Variants in HFM1 observed in about 807,000 individuals in gnomAD.
HFM1 encodes probable ATP-dependent DNA helicase HFM1.
HFM1 carries 169 observed loss-of-function variants against 192.1 expected under a neutral mutation model. The ratio of observed to expected loss-of-function variants is 0.88; its 90% CI spans 0.78 to 1.00. HFM1 has a LOEUF of 1.00. Among genes scored for constraint, HFM1 ranks in the 50% least tolerant of loss-of-function variants. The pLI, the probability that HFM1 is intolerant of heterozygous loss-of-function variation, is 0.00. For synonymous variants in HFM1, 525 were observed against 537.8 expected (o/e 0.98, Z 0.33); for missense variants, 1,661 against 1,668.0 (o/e 1.00, Z 0.07).
chr1:91,385,082 C>A, intron 6 of HFM1, 105 bp downstream of exon 6: 1 of 783,598 alleles, frequency 1.3e-6, no homozygotes, highest in Non-Finnish European at 2.1e-6. Flanking sequence ...TAATTTTTCC[C>A]TCTTTTTCTC....
At chr1:91,289,402 C>T (rs1482441292) in intron 30 of HFM1, among the ~76,000 whole-genome samples, 3 of 151,872 alleles carry the variant, frequency 2.0e-5, no homozygotes, top group Admixed American at 6.6e-5. Context: ...AGAAGGGCTC[C>T]TCACATCCCA....
At chr1:91,285,990 T>G (rs925364486) in intron 30 of HFM1, among the ~76,000 whole-genome samples, 2 of 152,184 alleles carry the variant, frequency 1.3e-5, no homozygotes, top group African/African-American at 4.8e-5. Flanking sequence ...CTTGTTTTAC[T>G]TAGTAATGGC....
chr1:91,287,049 G>T (rs1187773195), intron 30 of HFM1, among the ~76,000 whole-genome samples: 3 of 152,144 alleles, frequency 2.0e-5, no homozygotes, highest in Non-Finnish European at 4.4e-5. Context: ...ACAGCAGTCT[G>T]AGATCAAACT....
chr1:91,273,430 C>A (rs1389168582), intron 34 of HFM1, among the ~76,000 whole-genome samples: 1 of 151,894 alleles, frequency 6.6e-6, no homozygotes, highest in African/African-American at 2.4e-5. Context: ...ACTCTATATA[C>A]CCAAGGATCC....
At chr1:91,292,166 A>T (rs1038892854) in intron 30 of HFM1, among the ~76,000 whole-genome samples, 17 of 150,498 alleles carry the variant, frequency 1.1e-4, no homozygotes, top group Admixed American at 2.0e-4. Context: ...CTCTCTCACC[A>T]CTCCTATTCA....
chr1:91,281,811 C>T (rs281937), intron 30 of HFM1, among the ~76,000 whole-genome samples: 152,116 of 152,298 alleles, frequency 1, 75,967 homozygotes, highest in Non-Finnish European at 1. Context: ...ACCGCAGCCT[C>T]GAACTCTTGG....
At chr1:91,308,549 G>C (rs1649981424) in intron 30 of HFM1, among the ~76,000 whole-genome samples, 1 of 151,922 alleles carries the variant, frequency 6.6e-6, no homozygotes, top group Non-Finnish European at 1.5e-5. Context: ...TTAAAGAGAT[G>C]TGGTCTTGCT....
chr1:91,298,856 G>A lies in HFM1; in HGVS notation c.3391+14493C>T, dbSNP rs201303090. Among the ~76,000 whole-genome samples the A allele has an allele frequency of 2.1e-3, 326 of 152,276 alleles. 3 individuals are homozygous for A. The East Asian group carries it at 0.023, about 11-fold the overall frequency. On this transcript the variant is annotated intron_variant, in intron 30 of 38. Coordinates refer to ENST00000370425, the MANE Select transcript of HFM1 (RefSeq NM_001017975.6). The stretch of plus-strand genomic sequence containing the variant: ...AACATGCCAAATTGTAAAGACCATC[G>A]AGGCTAGGAAGAAACTGCATCCACT...
intron 30 of HFM1, among the ~76,000 whole-genome samples, chr1:91,306,061 G>A (rs892477191): frequency 7.2e-5 from 11 of 152,184 alleles, no homozygotes; most frequent in African/African-American, 2.2e-4. Context: ...CAGGCCAGGC[G>A]TGGTGGCTCA....
intron 20 of HFM1, among the ~76,000 whole-genome samples, 199 bp from the exon 21 acceptor site, chr1:91,324,965 C>G (rs1384979909): frequency 6.6e-6 from 1 of 152,160 alleles, no homozygotes; most frequent in African/African-American, 2.4e-5. Flanking sequence ...TTTCTGCACA[C>G]AGAAAAGTAC....
intron 30 of HFM1, among the ~76,000 whole-genome samples, chr1:91,296,706 T>G (rs1222501592): frequency 6.6e-6 from 1 of 152,154 alleles, no homozygotes; most frequent in African/African-American, 2.4e-5. Flanking sequence ...TAAACAATGA[T>G]TTTTAGTTTT....
In HFM1 at chr1:91,364,607, C is replaced by CATAT. The variant is rs202070365; in HGVS notation, c.1685+10747_1685+10750dup. ...GTGTGTATATATACATATACATATA[C>CATAT]ATATATATATATATATATATATATA... On this transcript the variant is annotated intron_variant, in intron 13 of 38. Coordinates refer to ENST00000370425, the MANE Select transcript of HFM1 (RefSeq NM_001017975.6). Among the ~76,000 whole-genome samples, 231 of 97,868 alleles carry CATAT rather than the reference C, an allele frequency of 2.4e-3. 2 individuals carry two copies. Among genetic ancestry groups the CATAT allele is most frequent in the African/African-American group, 7.6e-3 (177 of 23,360 alleles). The allele number at this position is 97,868 out of a possible 152,430, so 64.2% of individuals were successfully genotyped here.
At chr1:91,400,504 TAG>T (rs1664186146) in intron 2 of HFM1, among the ~76,000 whole-genome samples, 2 of 150,540 alleles carry the variant, frequency 1.3e-5, no homozygotes, top group African/African-American at 4.9e-5. Context: ...TTTCTTTTGA[TAG>T]AGTTTCACTC....
chr1:91,361,988 C>T (rs1489839892), intron 13 of HFM1, among the ~76,000 whole-genome samples: 2 of 152,136 alleles, frequency 1.3e-5, no homozygotes, highest in Non-Finnish European at 2.9e-5. Context: ...CGATACAATT[C>T]AACACTCCTT....
At chr1:91,396,601 G>A (rs1380024727) in intron 2 of HFM1, among the ~76,000 whole-genome samples, 196 bp from the exon 3 acceptor site, 1 of 152,144 alleles carries the variant, frequency 6.6e-6, no homozygotes, top group Non-Finnish European at 1.5e-5. Flanking sequence ...TGATACCGCT[G>A]TGTGAGATAT....
intron 20 of HFM1, among the ~76,000 whole-genome samples, chr1:91,341,956 A>C (rs1408237242): frequency 1.3e-5 from 2 of 151,914 alleles, no homozygotes; most frequent in African/African-American, 4.8e-5. Flanking sequence ...TAAAAAGACT[A>C]TCAACAAGAA....
chr1:91,376,269 A>G (rs1660897973), intron 11 of HFM1, among the ~76,000 whole-genome samples: 3 of 152,040 alleles, frequency 2.0e-5, no homozygotes, highest in Non-Finnish European at 4.4e-5. Flanking sequence ...AGCAATCCTT[A>G]TCTTTACATA....
At chr1:91,355,068 A>G (rs1160287484) in intron 13 of HFM1, among the ~76,000 whole-genome samples, 1 of 152,158 alleles carries the variant, frequency 6.6e-6, no homozygotes, top group African/African-American at 2.4e-5. Context: ...AAAGATGTAA[A>G]CTGTGTCAAC....
At chr1:91,286,834 G>A (rs546496026) in intron 30 of HFM1, among the ~76,000 whole-genome samples, 25 of 152,182 alleles carry the variant, frequency 1.6e-4, no homozygotes, top group African/African-American at 4.6e-4. Flanking sequence ...AAGGCGAGGC[G>A]TTGCCTCACT....
Sources: allele counts gnomAD v4.1 joint callset (sites outside exome capture counted in the v4.1 genomes callset), GRCh38; gene constraint gnomAD v4.1.1; transcripts MANE v1.5; gene names NCBI Gene and HGNC (gene_info 2026-07-23, HGNC 2026-07-21).